The following CNTLN variants were observed in gnomAD, a reference collection of about 807,000 sequenced individuals.
CNTLN encodes centlein, centrosomal protein.
CNTLN carries 212 observed loss-of-function variants against 180.0 expected under a neutral mutation model. That is an observed-to-expected ratio of 1.18 (90% CI 1.05 to 1.32). The LOEUF (loss-of-function observed/expected upper bound fraction) is 1.32. Ranked by LOEUF, CNTLN falls within the 40% of genes most tolerant of loss-of-function variation. The pLI, the probability that CNTLN is intolerant of heterozygous loss-of-function variation, is 0.00. For missense variants in CNTLN, 2,095 were observed against 1,610.9 expected, an observed-to-expected ratio of 1.30 and a Z score of -5.14; for synonymous variants, 722 against 563.1, an observed-to-expected ratio of 1.28 and a Z score of -3.99.
intron 5 of CNTLN, among the ~76,000 whole-genome samples, chr9:17,265,892 T>C (rs1205477043): frequency 9.9e-5 from 15 of 152,116 alleles, no homozygotes; most frequent in Admixed American, 9.8e-4. Context: ...ATATCCCCTT[T>C]ATCATTTTTT....
intron 25 of CNTLN, among the ~76,000 whole-genome samples, chr9:17,495,224 A>G (rs1219322154): frequency 6.6e-6 from 1 of 151,452 alleles, no homozygotes. Context: ...GTACTCTTAT[A>G]CTTATTAAAA....
At chr9:17,320,722 C>T (rs921842527) in intron 8 of CNTLN, among the ~76,000 whole-genome samples, 1 of 152,094 alleles carries the variant, frequency 6.6e-6, no homozygotes, top group African/African-American at 2.4e-5. Flanking sequence ...AGGCTGGTCT[C>T]GAACTCCTGA....
intron 25 of CNTLN, among the ~76,000 whole-genome samples, chr9:17,496,880 G>A (rs1197693090): frequency 6.6e-6 from 1 of 152,150 alleles, no homozygotes; most frequent in East Asian, 1.9e-4. Flanking sequence ...ATTTGAGAAC[G>A]AAGTCAGTCA....
intron 2 of CNTLN, among the ~76,000 whole-genome samples, chr9:17,217,395 C>T (rs569013321): frequency 2.8e-4 from 43 of 152,306 alleles, no homozygotes; most frequent in Non-Finnish European, 5.3e-4. Flanking sequence ...ATCTGCATAT[C>T]GGAGCACAAA....
chr9:17,298,175 G>A lies in CNTLN; in HGVS notation c.984-15G>A. The A allele has an allele frequency of 4.2e-6, 6 of 1,416,912 alleles. No individual in the cohort carries two copies. The highest frequency in any genetic ancestry group is 5.6e-6 in the Non-Finnish European group (6 of 1,078,434). The allele number at this position is 1,416,912 out of a possible 1,614,324, so 87.8% of individuals were successfully genotyped here. ...TTATCCATACTTTTCTCTATTTATT[G>A]CTTGCTTTGCACAGGAAGGAACTGC... On this transcript the variant is annotated splice_polypyrimidine_tract_variant and intron_variant, in intron 6 of 25. Coordinates refer to ENST00000380647, the MANE Select transcript of CNTLN (RefSeq NM_017738.4).
intron 1 of CNTLN, among the ~76,000 whole-genome samples, chr9:17,141,300 A>C (rs1474620696): frequency 6.6e-6 from 1 of 152,192 alleles, no homozygotes; most frequent in Non-Finnish European, 1.5e-5. Context: ...AAAAAATTGT[A>C]ACTGGAAAAG....
intron 6 of CNTLN, among the ~76,000 whole-genome samples, chr9:17,290,115 C>G (rs1829270325): frequency 6.6e-6 from 1 of 152,142 alleles, no homozygotes; most frequent in Non-Finnish European, 1.5e-5. Context: ...TTTTTCTGTT[C>G]TGTTTTTTCC....
intron 2 of CNTLN, among the ~76,000 whole-genome samples, chr9:17,215,426 G>T (rs990400794): frequency 2.0e-5 from 3 of 152,188 alleles, no homozygotes; most frequent in Non-Finnish European, 4.4e-5. Flanking sequence ...TCATCTCAGA[G>T]GAGTACCCAG....
rs200352038 is a variant in CNTLN at position 17,321,675 on chromosome 9, G to T, written c.1342-8957G>T. 9.2e-5 allele frequency among the ~76,000 whole-genome samples: 14 copies of T among 152,268 alleles called. No individual in the cohort carries two copies. The East Asian group carries it at 1.9e-3, about 21-fold the overall frequency. Reference sequence around the variant, plus strand: ...GCATTAACTAAAGTACAGTATTCTGGTTTTTCAGGTGGTAGGGAGAAGATC... The same window carrying T: ...GCATTAACTAAAGTACAGTATTCTGTTTTTTCAGGTGGTAGGGAGAAGATC... On this transcript the variant is annotated intron_variant, in intron 8 of 25. Coordinates refer to ENST00000380647, the MANE Select transcript of CNTLN (RefSeq NM_017738.4).
At chr9:17,296,856 T>A (rs2132771568) in intron 6 of CNTLN, among the ~76,000 whole-genome samples, 1 of 152,342 alleles carries the variant, frequency 6.6e-6, no homozygotes. Context: ...ATGTTCTAAA[T>A]CTCTAAGGAG....
chr9:17,372,708 A>G (rs948392963), intron 13 of CNTLN, among the ~76,000 whole-genome samples: 1 of 152,190 alleles, frequency 6.6e-6, no homozygotes, highest in African/African-American at 2.4e-5. Context: ...CCTGATGAAC[A>G]TTGATGCAGA....
At chr9:17,396,694 GTCACACCCCAGA>G (rs1159852716) in intron 15 of CNTLN, among the ~76,000 whole-genome samples, 2 of 152,098 alleles carry the variant, frequency 1.3e-5, no homozygotes, top group African/African-American at 4.8e-5. Context: ...CAAAGGTTAG[GTCACACCCCAGA>G]CAAATTAAAT....
At chr9:17,474,487 C>G (rs769940006) in intron 23 of CNTLN, among the ~76,000 whole-genome samples, 3 of 152,166 alleles carry the variant, frequency 2.0e-5, no homozygotes, top group African/African-American at 7.2e-5. Flanking sequence ...ACTATCACTT[C>G]TTGCTTGTAC....
chr9:17,293,606 C>G (rs1006363202), intron 6 of CNTLN, among the ~76,000 whole-genome samples: 1 of 152,200 alleles, frequency 6.6e-6, no homozygotes, highest in Non-Finnish European at 1.5e-5. Context: ...CATCTGGGTC[C>G]AAACCATCTA....
At chr9:17,386,808 G>A (rs1321142744) in intron 13 of CNTLN, among the ~76,000 whole-genome samples, 1 of 152,094 alleles carries the variant, frequency 6.6e-6, no homozygotes, top group Non-Finnish European at 1.5e-5. Flanking sequence ...TTTGAATATA[G>A]AACTATTATT....
intron 6 of CNTLN, among the ~76,000 whole-genome samples, chr9:17,296,101 C>G (rs935035297): frequency 2.0e-5 from 3 of 151,104 alleles, no homozygotes; most frequent in African/African-American, 7.3e-5. Flanking sequence ...GGCTCAGGAT[C>G]AAATGATTCC....
chr9:17,367,917 C>T (rs1823967676), intron 13 of CNTLN, among the ~76,000 whole-genome samples: 1 of 151,870 alleles, frequency 6.6e-6, no homozygotes, highest in African/African-American at 2.4e-5. Context: ...CCCAGGGCAT[C>T]CCCAGCTGTG....
At chr9:17,227,463 A>C (rs1293059115) in intron 3 of CNTLN, among the ~76,000 whole-genome samples, 1 of 152,040 alleles carries the variant, frequency 6.6e-6, no homozygotes, top group Non-Finnish European at 1.5e-5. Context: ...AGAGTGGCTA[A>C]TATCGTTATA....
chr9:17,484,253 A>G, intron 23 of CNTLN, 42 bp from the exon 24 acceptor site: 1 of 1,460,816 alleles, frequency 6.8e-7, no homozygotes, highest in Non-Finnish European at 9.3e-7. Context: ...TGTCTTCATT[A>G]TGACTTTAAT....
Sources: gnomAD v4.1 joint callset for allele counts (sites outside exome capture counted in the v4.1 genomes callset) on GRCh38, gnomAD v4.1.1 for gene constraint, MANE v1.5 for transcripts, NCBI Gene and HGNC (gene_info 2026-07-23, HGNC 2026-07-21) for gene names.